Variants in ZNF418 observed in about 807,000 individuals in gnomAD.
ZNF418 encodes the protein zinc finger protein 418.
ZNF418 carries 32 observed loss-of-function variants against 32.0 expected under a neutral mutation model. The observed-to-expected ratio is 1.00, with a 90% CI of 0.75 to 1.34. The LOEUF (loss-of-function observed/expected upper bound fraction) is 1.34, where lower values mean the gene tolerates loss of function less well. Among genes scored for constraint, ZNF418 ranks in the 40% most tolerant of loss-of-function variants. The probability of loss-of-function intolerance (pLI) is 0.00; values close to 1 mark genes in which losing one functional copy is unlikely to be tolerated. For synonymous variants in ZNF418, 276 were observed against 270.7 expected, an observed-to-expected ratio of 1.02 and a Z score of -0.19; for missense variants, 804 against 812.5, an observed-to-expected ratio of 0.99 and a Z score of 0.13.
chr19:57,927,155 A>G lies in ZNF418; in HGVS notation c.1026T>C (p.Tyr342=), dbSNP rs373614280. The G allele has an allele frequency of 1.6e-4, 257 of 1,613,930 alleles. No individual in the cohort carries two copies. The highest frequency in any genetic ancestry group is 2.0e-4 in the Non-Finnish European group (239 of 1,179,980). The change falls in exon 4 of 6, where the codon TAT becomes TAC. Residue 342 remains tyrosine, a synonymous_variant. Coordinates refer to ENST00000396147, the MANE Select transcript of ZNF418 (RefSeq NM_133460.3). The part of the protein sequence containing the change: ...HQRVHTGERP[Y]ECEECGKCFT... The stretch of plus-strand genomic sequence containing the variant: ...AACATTTCCCACATTCTTCACACTC[A>G]TAAGGTCTTTCTCCAGTGTGAACTC...
chr19:57,931,215 T>C (rs1568551770), intron 2 of ZNF418, among the ~76,000 whole-genome samples: 1 of 152,118 alleles, frequency 6.6e-6, no homozygotes. Flanking sequence ...CTTCTTTTTT[T>C]TCTGAGATGG....
At chr19:57,931,998 C>A (rs2072506842) in intron 2 of ZNF418, among the ~76,000 whole-genome samples, 1 of 152,200 alleles carries the variant, frequency 6.6e-6, no homozygotes, top group South Asian at 2.1e-4. Context: ...ACAGCAATTT[C>A]AAAATCAAAT....
At position 57,927,636 on chromosome 19, in the gene ZNF418, G is replaced by T. The variant is rs201498922; in HGVS notation, c.545C>A (p.Thr182Asn). The change falls in exon 4 of 6, where the codon ACT becomes AAT. Residue 182 changes from threonine (T) to asparagine (N), a missense_variant. Around this residue, in one of 3 missense-constraint regions of ZNF418, gnomAD observed 307 missense variants for 304.9 expected, o/e 1.01. Coordinates refer to ENST00000396147, the MANE Select transcript of ZNF418 (RefSeq NM_133460.3). ...SGLLLQEATHTGEKSNSKPEC... is the reference protein window; with the variant it reads ...SGLLLQEATHNGEKSNSKPEC... ...AGGTTTGCTGTTTGACTTCTCCCCA[G>T]TGTGAGTGGCCTCCTGCAGCAGTAA... 1.2e-5 allele frequency: 19 copies of T among 1,613,920 alleles called. No homozygotes were observed. The South Asian group carries it at 1.6e-4, about 14-fold the overall frequency.
chr19:57,926,404 A>G lies in ZNF418; in HGVS notation c.1777T>C (p.Cys593Arg), dbSNP rs2072225210. Residue 593 changes from cysteine to arginine, a missense_variant, in exon 4 of 6, where the codon TGC becomes CGC. Cys to Arg is a radical substitution (Grantham distance 180). This residue lies in a region of ZNF418 where 475 missense variants were observed against 458.6 expected (regional missense o/e 1.04). Coordinates refer to ENST00000396147, the MANE Select transcript of ZNF418 (RefSeq NM_133460.3). The stretch of plus-strand genomic sequence containing the variant: ...GTAAATGTTTTTCCACATTCCCTGC[A>G]TTCATAAGGCCTTTCTCCAGTGTGA... Reference protein sequence around the residue: ...RVHTGERPYECRECGKTFTRR... With the variant: ...RVHTGERPYERRECGKTFTRR... The G allele has an allele frequency of 2.5e-6, 4 of 1,613,334 alleles. No individual in the cohort carries two copies. The highest frequency in any genetic ancestry group is 3.4e-6 in the Non-Finnish European group (4 of 1,179,414).
At chr19:57,934,868 G>C (rs770178150) in intron 1 of ZNF418, 4 of 446,442 alleles carry the variant, frequency 9.0e-6, no homozygotes, top group Non-Finnish European at 1.5e-5. Context: ...ACAGCCCCCA[G>C]CCTGCTCTTC....
chr19:57,922,997 C>T (rs1218793934), intron 5 of ZNF418, among the ~76,000 whole-genome samples, 195 bp downstream of exon 5: 1 of 84,504 alleles, frequency 1.2e-5, no homozygotes, highest in Admixed American at 1.4e-4. Flanking sequence ...GACACTGTCT[C>T]AAAAAAAAAA....
Position 57,928,017 on chromosome 19 carries a change from G to A in ZNF418, c.164C>T (p.Ala55Val). 1.9e-6 allele frequency: 3 copies of A among 1,557,362 alleles called. No individual in the cohort carries two copies. The highest frequency in any genetic ancestry group is 2.6e-6 in the Non-Finnish European group (3 of 1,148,132). ...TATAGAAATGCTCTTCTTAGAAGGT[G>A]CCTCCTCATCTTCTGATCCACACCA... is the stretch of plus-strand genomic sequence containing the variant. ...GCWCGSEDEE[A>V]PSKKSISIQR... Residue 55 changes from alanine to valine, a missense_variant, in exon 4 of 6, where the codon GCA (alanine) becomes GTA (valine). Ala to Val is a moderately conservative substitution (Grantham distance 64). Around this residue, in one of 3 missense-constraint regions of ZNF418, gnomAD observed 307 missense variants for 304.9 expected, o/e 1.01. Transcript: ENST00000396147.
chr19:57,925,186 T>C (rs747696100), intron 4 of ZNF418, among the ~76,000 whole-genome samples: 12 of 152,034 alleles, frequency 7.9e-5, no homozygotes, highest in Admixed American at 3.3e-4. Flanking sequence ...ACCCGCTGGG[T>C]GCGGTGGCTC....
At chr19:57,924,590 T>C (rs2072138845) in intron 4 of ZNF418, among the ~76,000 whole-genome samples, 1 of 152,192 alleles carries the variant, frequency 6.6e-6, no homozygotes. Flanking sequence ...CCACTGCCTA[T>C]AAATGCAGAA....
intron 1 of ZNF418, chr19:57,934,144 G>GA: frequency 7.6e-7 from 1 of 1,313,288 alleles, no homozygotes; most frequent in Non-Finnish European, 9.7e-7. Context: ...TGGCAAGTAA[G>GA]AGTCCCAGGA....
In ZNF418 at chr19:57,923,575, C is replaced by CAT. The variant is rs892897044; in HGVS notation, c.*528-288_*528-287dup. ...ACACACACACACACACATATATACA[C>CAT]ATATATATATATTTTTTGAGACCGA... On this transcript the variant is annotated intron_variant, in intron 4 of 5. Coordinates refer to ENST00000396147, the MANE Select transcript of ZNF418 (RefSeq NM_133460.3). Among the ~76,000 whole-genome samples the CAT allele has an allele frequency of 2.1e-4, 31 of 146,108 alleles. No individual in the cohort carries two copies. The East Asian group carries it at 5.5e-3, about 26-fold the overall frequency.
At chr19:57,934,316 G>A (rs1413738166) in intron 1 of ZNF418, 2 of 633,318 alleles carry the variant, frequency 3.2e-6, no homozygotes, top group Admixed American at 1.2e-4. Flanking sequence ...CCGAGTTCAA[G>A]CAATTCTCCT....
rs1568541344 is a variant in ZNF418, at chr19:57,926,321, C to T, written c.1860G>A (p.Glu620=). Residue 620 remains glutamate, a synonymous_variant, in exon 4 of 6, where the codon GAG becomes GAA. Transcript: ENST00000396147. ...CAAAGGATTTCCCACATTCGCTGCA[C>T]TCGTAAGGCTTTCCTCGAGTATGAA... ...QRLHTRGKPY[E]CSECGKSFAE... is the part of the protein sequence containing the mutation. 3 of 1,611,202 alleles carry T rather than the reference C, an allele frequency of 1.9e-6. No homozygotes were observed. The highest frequency in any genetic ancestry group is 1.7e-5 in the Admixed American group (1 of 59,756).
Position 57,927,573 on chromosome 19 carries a change from T to C in ZNF418, c.608A>G (p.Tyr203Cys). 6.2e-7 allele frequency: 1 copy of C among 1,614,234 alleles called. No homozygotes were observed. Among genetic ancestry groups the C allele is most frequent in the Non-Finnish European group, 8.5e-7 (1 of 1,180,040 alleles). Reference protein sequence around the residue: ...ESPFQWGDTHYSCGECMKHSS... With the variant: ...ESPFQWGDTHCSCGECMKHSS... ...ATGTTTCATGCATTCTCCACAGCTG[T>C]AATGAGTATCTCCCCACTGAAAGGG... Residue 203 changes from tyrosine to cysteine, a missense_variant, in exon 4 of 6, where the codon TAC (tyrosine) becomes TGC (cysteine). By Grantham distance (194) the Tyr-to-Cys change is radical. Around this residue, in one of 3 missense-constraint regions of ZNF418, gnomAD observed 307 missense variants for 304.9 expected, o/e 1.01. Coordinates refer to ENST00000396147, the MANE Select transcript of ZNF418 (RefSeq NM_133460.3).
chr19:57,927,044 A>G lies in ZNF418; in HGVS notation c.1137T>C (p.Phe379=), dbSNP rs374033124. ...PYECEECGKC[F]SQKGTLTEHH... is the part of the protein sequence containing the mutation. ...GTTCAGTTAGGGTGCCCTTTTGACT[A>G]AAACATTTTCCACATTCTTCACACT... Residue 379 remains phenylalanine, a synonymous_variant, in exon 4 of 6, where the codon TTT becomes TTC. Coordinates refer to ENST00000396147, the MANE Select transcript of ZNF418 (RefSeq NM_133460.3). 32 of 1,613,990 alleles carry G rather than the reference A, an allele frequency of 2.0e-5. No individual in the cohort carries two copies. Among genetic ancestry groups the G allele is most frequent in the Non-Finnish European group, 2.5e-5 (30 of 1,180,038 alleles).
At position 57,927,651 on chromosome 19, in the gene ZNF418, TGCA is replaced by T. The variant is rs1431364105; in HGVS notation, c.527_529del (p.Leu176del). ...CTTCTCCCCAGTGTGAGTGGCCTCC[TGCA>T]GCAGTAATCCTGAGCTGGGCAAAAA... On this transcript the variant is annotated inframe_deletion, in exon 4 of 6. Transcript: ENST00000396147. The T allele has an allele frequency of 1.2e-6, 2 of 1,614,102 alleles. No homozygotes were observed. The highest frequency in any genetic ancestry group is 2.2e-5 in the South Asian group (2 of 91,074).
intron 5 of ZNF418, among the ~76,000 whole-genome samples, chr19:57,922,886 G>C (rs1389350029): frequency 6.6e-6 from 1 of 151,608 alleles, no homozygotes. Context: ...CCTGTCCCTA[G>C]CAACTTGGGA....
intron 2 of ZNF418, chr19:57,932,636 T>C (rs1032662282): frequency 2.6e-5 from 37 of 1,448,972 alleles, no homozygotes; most frequent in Non-Finnish European, 3.1e-5. Flanking sequence ...TCCCTTGTTA[T>C]GGAGAATGGT....
intron 2 of ZNF418, among the ~76,000 whole-genome samples, chr19:57,931,264 G>A (rs1188539954): frequency 6.6e-6 from 1 of 150,436 alleles, no homozygotes; most frequent in Admixed American, 6.6e-5. Context: ...TGCGGTGGCG[G>A]GATCTCAGCT....
Sources: allele counts gnomAD v4.1 joint callset (sites outside exome capture counted in the v4.1 genomes callset), GRCh38; gene constraint gnomAD v4.1.1; regional missense constraint gnomAD v4.1.1; transcripts MANE v1.5; gene names NCBI Gene and HGNC (gene_info 2026-07-23, HGNC 2026-07-21).